Variants in GRM8 observed in about 807,000 individuals in gnomAD.
GRM8 encodes the protein glutamate metabotropic receptor 8, also known as metabotropic glutamate receptor 8.
GRM8 carries 47 observed loss-of-function variants against 87.2 expected under a neutral mutation model. That is an observed-to-expected ratio of 0.54 (90% confidence interval 0.43 to 0.69). The LOEUF (loss-of-function observed/expected upper bound fraction) is 0.69. Ranked by LOEUF, GRM8 falls within the 30% of genes least tolerant of loss-of-function variation. The pLI is 0.00. For missense variants in GRM8, 1,019 were observed against 1,139.2 expected, an observed-to-expected ratio of 0.89 and a Z score of 1.52; for synonymous variants, 396 against 404.5, an observed-to-expected ratio of 0.98 and a Z score of 0.25.
intron 7 of GRM8, among the ~76,000 whole-genome samples, chr7:126,672,222 G>C (rs1563078735): frequency 6.6e-6 from 1 of 152,156 alleles, no homozygotes; most frequent in Non-Finnish European, 1.5e-5. Context: ...GGTCCTCCCT[G>C]CTTCATGGGT....
At chr7:126,950,869 A>G (rs1308980547) in intron 3 of GRM8, among the ~76,000 whole-genome samples, 4 of 151,798 alleles carry the variant, frequency 2.6e-5, no homozygotes, top group Admixed American at 6.6e-5. Flanking sequence ...ATTTTGTTCT[A>G]CCTGGATTGA....
intron 7 of GRM8, among the ~76,000 whole-genome samples, chr7:126,691,637 C>A (rs1445306047): frequency 2.0e-5 from 3 of 152,160 alleles, no homozygotes; most frequent in Non-Finnish European, 4.4e-5. Flanking sequence ...AGAACCAACA[C>A]TTTAGTAATG....
chr7:127,238,821 T>C (rs1454085604), intron 2 of GRM8, among the ~76,000 whole-genome samples: 3 of 152,330 alleles, frequency 2.0e-5, no homozygotes, highest in East Asian at 3.9e-4. Flanking sequence ...CCACCTGTAT[T>C]CCAGCAGAGG....
chr7:126,515,474 AT>A (rs766365878), intron 9 of GRM8, among the ~76,000 whole-genome samples: 17 of 152,260 alleles, frequency 1.1e-4, no homozygotes, highest in Non-Finnish European at 2.5e-4. Context: ...TATTGCTGTT[AT>A]AACAAAATTA....
At chr7:126,779,455 CTT>C (rs994088779) in intron 6 of GRM8, among the ~76,000 whole-genome samples, 24 of 151,976 alleles carry the variant, frequency 1.6e-4, no homozygotes, top group African/African-American at 5.6e-4. Context: ...CTATCATACT[CTT>C]TTGAAAAATT....
chr7:126,461,781 C>T (rs1031525207), intron 9 of GRM8, among the ~76,000 whole-genome samples: 7 of 151,648 alleles, frequency 4.6e-5, no homozygotes, highest in African/African-American at 1.5e-4. Context: ...CTAGAATCTT[C>T]AATACTGTGT....
intron 2 of GRM8, among the ~76,000 whole-genome samples, chr7:127,224,907 G>C (rs1238738869): frequency 6.6e-6 from 1 of 152,132 alleles, no homozygotes. Flanking sequence ...GAGCCCCTGT[G>C]CCTGGCCCAT....
intron 8 of GRM8, among the ~76,000 whole-genome samples, chr7:126,572,117 AG>A (rs1794740429): frequency 6.6e-6 from 1 of 152,200 alleles, no homozygotes; most frequent in African/African-American, 2.4e-5. Flanking sequence ...TGGTCTTGGA[AG>A]ACACTGAATT....
chr7:126,843,836 C>T (rs1286904651), intron 6 of GRM8, among the ~76,000 whole-genome samples: 1 of 152,190 alleles, frequency 6.6e-6, no homozygotes, highest in Non-Finnish European at 1.5e-5. Flanking sequence ...CAAGACAGCA[C>T]AGATAAAGAA....
intron 3 of GRM8, among the ~76,000 whole-genome samples, chr7:127,017,461 G>A (rs1410473671): frequency 6.6e-6 from 1 of 152,046 alleles, no homozygotes; most frequent in Non-Finnish European, 1.5e-5. Context: ...AACAGCTAGA[G>A]CTATTTGCCA....
intron 3 of GRM8, among the ~76,000 whole-genome samples, chr7:127,014,340 G>C (rs1815190083): frequency 6.6e-6 from 1 of 152,134 alleles, no homozygotes. Context: ...ACCTGCGAAA[G>C]TGTCTTCAAG....
At chr7:126,870,959 T>C (rs577727392) in intron 6 of GRM8, among the ~76,000 whole-genome samples, 1 of 152,288 alleles carries the variant, frequency 6.6e-6, no homozygotes, top group South Asian at 2.1e-4. Flanking sequence ...TTTCCCCCCA[T>C]TTTTTGAGAG....
intron 2 of GRM8, among the ~76,000 whole-genome samples, chr7:127,212,409 TA>T (rs1355461368): frequency 4.6e-5 from 6 of 131,368 alleles, no homozygotes; most frequent in South Asian, 2.5e-4. Flanking sequence ...GACATGGTGT[TA>T]TTTTTTTTTT....
chr7:126,878,663 G>C (rs1033903256), intron 6 of GRM8, among the ~76,000 whole-genome samples: 3 of 151,798 alleles, frequency 2.0e-5, no homozygotes, highest in African/African-American at 7.3e-5. Flanking sequence ...GGGATTATGG[G>C]CACCCGCCAT....
At chr7:126,759,688 T>C (rs1817389798) in intron 7 of GRM8, among the ~76,000 whole-genome samples, 1 of 152,168 alleles carries the variant, frequency 6.6e-6, no homozygotes, top group African/African-American at 2.4e-5. Flanking sequence ...TGCATCTTTC[T>C]AAAGATTCTC....
intron 9 of GRM8, among the ~76,000 whole-genome samples, chr7:126,531,460 C>A (rs955799788): frequency 6.6e-6 from 1 of 152,184 alleles, no homozygotes; most frequent in Non-Finnish European, 1.5e-5. Flanking sequence ...TATATAGACA[C>A]CCATAAAATT....
chr7:126,470,445 G>T (rs561172763), intron 9 of GRM8, among the ~76,000 whole-genome samples: 7 of 149,226 alleles, frequency 4.7e-5, no homozygotes, highest in African/African-American at 1.7e-4. Flanking sequence ...GCAGTGTTTG[G>T]TTTTTTGTCC....
intron 6 of GRM8, among the ~76,000 whole-genome samples, chr7:126,819,792 T>C (rs1454952664): frequency 4.6e-5 from 7 of 152,094 alleles, no homozygotes. Context: ...GTCACATTTA[T>C]ATCATGTTGG....
At chr7:126,805,013 C>T (rs1324179244) in intron 6 of GRM8, among the ~76,000 whole-genome samples, 1 of 152,206 alleles carries the variant, frequency 6.6e-6, no homozygotes, top group Admixed American at 6.5e-5. Context: ...CCTATTCTGA[C>T]ACTTTCCTTC....
Sources: gnomAD v4.1 joint callset for allele counts (sites outside exome capture counted in the v4.1 genomes callset) on GRCh38, gnomAD v4.1.1 for gene constraint, MANE v1.5 for transcripts, NCBI Gene and HGNC (gene_info 2026-07-23, HGNC 2026-07-21) for gene names.